Variants in NKAIN2 observed in about 807,000 individuals in gnomAD.
NKAIN2 encodes the protein sodium/potassium-transporting ATPase subunit beta-1-interacting protein 2.
Under a neutral mutation model 32.6 loss-of-function variants are expected in NKAIN2, and 14 were observed. The ratio of observed to expected loss-of-function variants is 0.43; its 90% CI spans 0.28 to 0.67. The LOEUF (loss-of-function observed/expected upper bound fraction) is 0.67. NKAIN2 is among the 30% of genes least tolerant of loss of function. NKAIN2 has a pLI of 0.17. For synonymous variants in NKAIN2, 80 were observed against 87.2 expected, an observed-to-expected ratio of 0.92 and a Z score of 0.46; for missense variants, 198 against 258.3, an observed-to-expected ratio of 0.77 and a Z score of 1.60.
At chr6:123,807,227 A>G (rs1773254942) in intron 1 of NKAIN2, among the ~76,000 whole-genome samples, 1 of 152,100 alleles carries the variant, frequency 6.6e-6, no homozygotes, top group South Asian at 2.1e-4. Flanking sequence ...GATTCATACA[A>G]AACTTCCATT....
At chr6:123,849,980 T>A (rs1775261479) in intron 1 of NKAIN2, among the ~76,000 whole-genome samples, 1 of 140,194 alleles carries the variant, frequency 7.1e-6, no homozygotes, top group African/African-American at 2.6e-5. Context: ...GTTTTTTTTT[T>A]AACTTTCTGT....
intron 3 of NKAIN2, among the ~76,000 whole-genome samples, chr6:124,374,485 A>G (rs1217587203): frequency 1.3e-5 from 2 of 152,164 alleles, no homozygotes; most frequent in East Asian, 1.9e-4. Context: ...ATGTTAGCCA[A>G]CATAGCCATT....
chr6:123,852,507 G>T (rs1218514466), intron 1 of NKAIN2, among the ~76,000 whole-genome samples: 1 of 152,028 alleles, frequency 6.6e-6, no homozygotes, highest in Non-Finnish European at 1.5e-5. Context: ...CCTTAACTGA[G>T]TATATATTCA....
At chr6:124,306,519 T>C (rs899328468) in intron 2 of NKAIN2, among the ~76,000 whole-genome samples, 2 of 152,140 alleles carry the variant, frequency 1.3e-5, no homozygotes, top group South Asian at 2.1e-4. Context: ...CAACTGATGA[T>C]TAAAGAAAAA....
At chr6:124,377,178 A>C (rs1161290187) in intron 3 of NKAIN2, among the ~76,000 whole-genome samples, 1 of 152,220 alleles carries the variant, frequency 6.6e-6, no homozygotes, top group Non-Finnish European at 1.5e-5. Context: ...TTGACATTGG[A>C]TATTTTGAAA....
At chr6:124,088,096 G>A (rs898868322) in intron 1 of NKAIN2, among the ~76,000 whole-genome samples, 1 of 151,984 alleles carries the variant, frequency 6.6e-6, no homozygotes, top group African/African-American at 2.4e-5. Context: ...AAGCAGCTGA[G>A]TAACATAAAG....
At chr6:124,790,567 A>G (rs1779702780) in intron 4 of NKAIN2, among the ~76,000 whole-genome samples, 1 of 152,128 alleles carries the variant, frequency 6.6e-6, no homozygotes, top group South Asian at 2.1e-4. Context: ...TCCATTATCC[A>G]GATATTATAT....
intron 4 of NKAIN2, among the ~76,000 whole-genome samples, chr6:124,760,788 C>A (rs368625387): frequency 6.6e-6 from 1 of 152,136 alleles, no homozygotes; most frequent in South Asian, 2.1e-4. Context: ...ATGAGTTATT[C>A]AAATCACTCA....
intron 1 of NKAIN2, among the ~76,000 whole-genome samples, chr6:124,054,495 T>C (rs1396585558): frequency 1.3e-5 from 2 of 152,090 alleles, no homozygotes; most frequent in Non-Finnish European, 2.9e-5. Context: ...AGAGTATTCC[T>C]GGAATCTTCT....
intron 3 of NKAIN2, among the ~76,000 whole-genome samples, chr6:124,621,510 A>G (rs1279317882): frequency 6.6e-6 from 1 of 152,106 alleles, no homozygotes; most frequent in East Asian, 1.9e-4. Context: ...CAGACCCTAC[A>G]TTCTCCTCAC....
chr6:124,260,983 G>A (rs761777749), intron 1 of NKAIN2, among the ~76,000 whole-genome samples: 48 of 152,288 alleles, frequency 3.2e-4, no homozygotes, highest in Non-Finnish European at 5.9e-4. Flanking sequence ...GGCCCTGTGA[G>A]AAATACTGTG....
At chr6:124,775,328 C>A (rs572916266) in intron 4 of NKAIN2, among the ~76,000 whole-genome samples, 2 of 152,280 alleles carry the variant, frequency 1.3e-5, no homozygotes, top group East Asian at 3.9e-4. Context: ...TCTTTTGCAG[C>A]TTTCTTGGGA....
rs540477381 is a variant in NKAIN2 at position 124,816,624 on chromosome 6, A to G, written c.536-1763A>G. On this transcript the variant is annotated intron_variant, in intron 5 of 6. Transcript: ENST00000368417. ...TAAAGTTTTTTTCTAAGAGAAAACAAAGGATTTCCCCACTACACAGACATC... is the reference window on the plus strand; with the variant it reads ...TAAAGTTTTTTTCTAAGAGAAAACAGAGGATTTCCCCACTACACAGACATC... 2.1e-3 allele frequency among the ~76,000 whole-genome samples: 315 copies of G among 152,326 alleles called. 4 individuals carry two copies. The highest frequency in any genetic ancestry group is 0.012 in the South Asian group (60 of 4,832).
intron 3 of NKAIN2, among the ~76,000 whole-genome samples, chr6:124,453,272 G>A (rs1187112294): frequency 6.9e-6 from 1 of 144,282 alleles, no homozygotes; most frequent in Non-Finnish European, 1.5e-5. Flanking sequence ...ATTCTTTTCC[G>A]GTGCCATTTT....
chr6:124,623,663 A>G (rs1189437322), intron 3 of NKAIN2, among the ~76,000 whole-genome samples: 1 of 152,182 alleles, frequency 6.6e-6, no homozygotes, highest in Admixed American at 6.5e-5. Flanking sequence ...TGCTCTGGAA[A>G]GTCTAAGGAG....
At chr6:124,010,062 C>G (rs1055943684) in intron 1 of NKAIN2, among the ~76,000 whole-genome samples, 6 of 152,176 alleles carry the variant, frequency 3.9e-5, no homozygotes, top group Non-Finnish European at 8.8e-5. Context: ...ATATCTTCAG[C>G]CTCTTACAGG....
intron 2 of NKAIN2, among the ~76,000 whole-genome samples, chr6:124,314,007 A>G (rs1027660670): frequency 8.5e-5 from 13 of 152,232 alleles, no homozygotes; most frequent in African/African-American, 3.1e-4. Context: ...GATTGGGAAA[A>G]GGGCACAAAC....
intron 2 of NKAIN2, among the ~76,000 whole-genome samples, chr6:124,346,035 C>T (rs1338028524): frequency 1.3e-5 from 2 of 151,988 alleles, no homozygotes. Flanking sequence ...TATGTTGTGT[C>T]TTTGTTCTCG....
At chr6:124,343,834 A>C (rs1417047330) in intron 2 of NKAIN2, among the ~76,000 whole-genome samples, 382 of 144,944 alleles carry the variant, frequency 2.6e-3, no homozygotes, top group Non-Finnish European at 4.6e-3. Context: ...TCTTTAGTTT[A>C]ATTAGATCCC....
Sources: allele counts gnomAD v4.1 joint callset (sites outside exome capture counted in the v4.1 genomes callset), GRCh38; gene constraint gnomAD v4.1.1; transcripts MANE v1.5; gene names NCBI Gene and HGNC (gene_info 2026-07-23, HGNC 2026-07-21).